The following ZFYVE19 variants were observed in gnomAD, a reference collection of about 807,000 sequenced individuals.
The protein encoded by ZFYVE19 is zinc finger FYVE-type containing 19, also known as abscission/NoCut checkpoint regulator.
A neutral mutation model predicts 62.8 loss-of-function variants in ZFYVE19; 49 were observed. That is an observed-to-expected ratio of 0.78 (90% confidence interval 0.62 to 0.99). The LOEUF is 0.99. ZFYVE19 is among the 50% of genes least tolerant of loss of function. The probability of loss-of-function intolerance (pLI) is 0.00; values close to 1 mark genes in which losing one functional copy is unlikely to be tolerated. For synonymous variants in ZFYVE19, 242 were observed against 234.3 expected, an observed-to-expected ratio of 1.03 and a Z score of -0.30; for missense variants, 630 against 601.9, an observed-to-expected ratio of 1.05 and a Z score of -0.49.
At chr15:40,813,443 C>A (rs1174038100) in intron 8 of ZFYVE19, 26 bp downstream of exon 8, 2 of 1,576,770 alleles carry the variant, frequency 1.3e-6, no homozygotes, top group South Asian at 2.3e-5. Context: ...CCACCTGCCA[C>A]CCCTTGTCCC....
intron 5 of ZFYVE19, 66 bp from the exon 6 acceptor site, chr15:40,810,583 C>G (rs1243850543): frequency 6.5e-7 from 1 of 1,541,662 alleles, no homozygotes; most frequent in Non-Finnish European, 8.8e-7. Flanking sequence ...TACTTAGCAT[C>G]CATCCCTGAC....
chr15:40,807,545 T>C lies in ZFYVE19; in HGVS notation c.-45T>C. ...GCGCCTAGCCCTCTGGGAATTGTGT[T>C]CTGGGTCAGGCTTGACTGACTCTGA... On this transcript the variant is annotated 5_prime_UTR_variant, in exon 1 of 11. Coordinates refer to ENST00000355341, the MANE Select transcript of ZFYVE19 (RefSeq NM_001077268.2). 1.2e-6 allele frequency: 2 copies of C among 1,604,950 alleles called. No homozygotes were observed. Among genetic ancestry groups the C allele is most frequent in the Non-Finnish European group, 1.7e-6 (2 of 1,174,240 alleles).
In ZFYVE19 at chr15:40,814,174, A is replaced by C. The variant is rs765904116; in HGVS notation, c.1364A>C (p.Lys455Thr). The C allele has an allele frequency of 6.2e-7, 1 of 1,614,156 alleles. No individual in the cohort carries two copies. Among genetic ancestry groups the C allele is most frequent in the Admixed American group, 1.7e-5 (1 of 60,016 alleles). The change falls in exon 11 of 11, where the codon AAA becomes ACA. Residue 455 changes from lysine (K) to threonine (T), a missense_variant. By Grantham distance (78) the Lys-to-Thr change is moderately conservative. Transcript: ENST00000355341. ...GAGGGCCATGATGCCTTTGAGCTTA[A>C]AGAGCACCAGACATCTGCCTACTCT... ...FREGHDAFELKEHQTSAYSPP... is the reference protein window; with the variant it reads ...FREGHDAFELTEHQTSAYSPP...
chr15:40,807,464 T>G lies in ZFYVE19; in HGVS notation c.-126T>G, dbSNP rs193102973. 8.2e-5 allele frequency: 132 copies of G among 1,614,144 alleles called. 2 individuals carry two copies. In the Admixed American group the frequency reaches 1.6e-3, roughly 20 times the overall value. On this transcript the variant is annotated 5_prime_UTR_variant, in exon 1 of 11. Transcript: ENST00000355341. Reference sequence around the variant, plus strand: ...ACTGCCATGGTTCCGGCCTGACGGATTCGTACTACAACTCCCAAGAGTCTA... The same window carrying G: ...ACTGCCATGGTTCCGGCCTGACGGAGTCGTACTACAACTCCCAAGAGTCTA...
At chr15:40,813,439 G>T in intron 8 of ZFYVE19, 22 bp downstream of exon 8, 8 of 1,581,738 alleles carry the variant, frequency 5.1e-6, no homozygotes, top group Non-Finnish European at 6.0e-6. Flanking sequence ...TTACCCACCT[G>T]CCACCCCTTG....
Position 40,807,552 on chromosome 15 carries a change from C to G in ZFYVE19, c.-38C>G. ...GCCCTCTGGGAATTGTGTTCTGGGT[C>G]AGGCTTGACTGACTCTGAGGGAGGC... is the stretch of plus-strand genomic sequence containing the variant. On this transcript the variant is annotated 5_prime_UTR_variant, in exon 1 of 11. Transcript: ENST00000355341. 1 of 1,605,402 alleles carries G rather than the reference C, an allele frequency of 6.2e-7. No homozygotes were observed. The highest frequency in any genetic ancestry group is 2.2e-5 in the East Asian group (1 of 44,804).
intron 6 of ZFYVE19, 108 bp from the exon 7 acceptor site, chr15:40,812,589 GAA>G (rs1555385539): frequency 0.059 from 16,624 of 280,742 alleles, 989 homozygotes; most frequent in Middle Eastern, 0.085. Context: ...AAGAAAGAAA[GAA>G]AAAATTATTA....
Position 40,810,134 on chromosome 15 carries a change from G to T in ZFYVE19, c.635G>T (p.Gly212Val), listed in dbSNP as rs1364947122. ...GCTGCCCTAAAGGATGAACGTCAGG[G>T]TTCCATCCCTTCCACCCAGGAAATG... is the stretch of plus-strand genomic sequence containing the variant. ...RLAALKDERQ[G>V]SIPSTQEMEA... Residue 212 changes from glycine to valine, a missense_variant, in exon 5 of 11, where the codon GGT becomes GTT. Physicochemically the swap from Gly to Val is moderately radical, Grantham distance 109. Coordinates refer to ENST00000355341, the MANE Select transcript of ZFYVE19 (RefSeq NM_001077268.2). 6.2e-7 allele frequency: 1 copy of T among 1,614,116 alleles called. No homozygotes were observed. The highest frequency in any genetic ancestry group is 8.5e-7 in the Non-Finnish European group (1 of 1,180,040).
chr15:40,810,131 A>G lies in ZFYVE19; in HGVS notation c.632A>G (p.Gln211Arg). Reference sequence around the variant, plus strand: ...CTGGCTGCCCTAAAGGATGAACGTCAGGGTTCCATCCCTTCCACCCAGGAA... The same window carrying G: ...CTGGCTGCCCTAAAGGATGAACGTCGGGGTTCCATCCCTTCCACCCAGGAA... Reference protein sequence around the residue: ...ARLAALKDERQGSIPSTQEME... With the variant: ...ARLAALKDERRGSIPSTQEME... Residue 211 changes from glutamine to arginine, a missense_variant, in exon 5 of 11, where the codon CAG becomes CGG. Physicochemically the swap from Gln to Arg is conservative, Grantham distance 43 (BLOSUM62 1). Coordinates refer to ENST00000355341, the MANE Select transcript of ZFYVE19 (RefSeq NM_001077268.2). 1 of 1,614,204 alleles carries G rather than the reference A, an allele frequency of 6.2e-7. No individual in the cohort carries two copies. Among genetic ancestry groups the G allele is most frequent in the Non-Finnish European group, 8.5e-7 (1 of 1,180,048 alleles).
chr15:40,813,932 G>A lies in ZFYVE19; in HGVS notation c.1210-11G>A, dbSNP rs74011886. ...TACCTTACTTCCTCCATTCCTCTCT[G>A]ATCCCTGAAGGCCCAGGATGTGGAC... On this transcript the variant is annotated splice_polypyrimidine_tract_variant and intron_variant, in intron 9 of 10. Transcript: ENST00000355341. 6,664 of 1,600,710 alleles carry A rather than the reference G, an allele frequency of 4.2e-3. 241 individuals are homozygous for A. The African/African-American group carries it at 0.08, about 19-fold the overall frequency.
At chr15:40,810,608 G>T (rs760518076) in intron 5 of ZFYVE19, 41 bp from the exon 6 acceptor site, 1 of 1,550,808 alleles carries the variant, frequency 6.4e-7, no homozygotes. Flanking sequence ...ACTGCTTCTG[G>T]GCTACCCCTG....
In ZFYVE19 at chr15:40,807,908, AGAG is replaced by A. The variant is rs1596110884; in HGVS notation, c.279+45_279+47del. On this transcript the variant is annotated intron_variant, in intron 1 of 10. Coordinates refer to ENST00000355341, the MANE Select transcript of ZFYVE19 (RefSeq NM_001077268.2). The stretch of plus-strand genomic sequence containing the variant: ...CCCGAGGGCTGCAGGGCCAGGGAGG[AGAG>A]GAGGGAAAAGCGCGGGACTTAACGT... The A allele has an allele frequency of 1.9e-6, 3 of 1,552,666 alleles. No individual in the cohort carries two copies. The East Asian group carries it at 6.7e-5, about 35-fold the overall frequency.
In ZFYVE19 at chr15:40,810,243, C is replaced by T. The variant is rs201382149; in HGVS notation, c.717+27C>T. On this transcript the variant is annotated intron_variant, in intron 5 of 10. Coordinates refer to ENST00000355341, the MANE Select transcript of ZFYVE19 (RefSeq NM_001077268.2). ...TGAGTGTTATGGCTTAGGAGAGAAG[C>T]GGGGGTGCTAGCGGGAGGACCCAGC... is the stretch of plus-strand genomic sequence containing the variant. The T allele has an allele frequency of 8.3e-4, 1,338 of 1,612,082 alleles. 18 individuals carry two copies. The South Asian group carries it at 0.013, about 16-fold the overall frequency.
At chr15:40,809,036 T>C (rs1166898843) in intron 1 of ZFYVE19, 83 bp from the exon 2 acceptor site, 1 of 1,570,998 alleles carries the variant, frequency 6.4e-7, no homozygotes, top group African/African-American at 1.3e-5. Context: ...CAGTGACTTC[T>C]CTCTGTGTGT....
In ZFYVE19 at chr15:40,814,495, C is replaced by A; in HGVS notation, c.*269C>A. Reference sequence around the variant, plus strand: ...ACCAGACTGAATCTACGGGTGAGCCCTGTAACCTGGCTCTAGGGCACAGGC... The same window carrying A: ...ACCAGACTGAATCTACGGGTGAGCCATGTAACCTGGCTCTAGGGCACAGGC... On this transcript the variant is annotated 3_prime_UTR_variant, in exon 11 of 11. Transcript: ENST00000355341. 1.9e-6 allele frequency: 1 copy of A among 521,368 alleles called. No individual in the cohort carries two copies. Among genetic ancestry groups the A allele is most frequent in the South Asian group, 2.1e-5 (1 of 48,292 alleles). 32.3% of individuals were successfully genotyped at this position (521,368 alleles called of 1,614,324 possible).
chr15:40,807,134 G>C lies in ZFYVE19; in HGVS notation c.-456G>C. On this transcript the variant is annotated 5_prime_UTR_variant, in exon 1 of 11. Coordinates refer to ENST00000355341, the MANE Select transcript of ZFYVE19 (RefSeq NM_001077268.2). ...GCGGCCTCTAGGAGACAGGGGCCAC[G>C]GGGAGAGCACAGCCACCCGGCGCGA... 2.9e-6 allele frequency: 3 copies of C among 1,043,342 alleles called. No homozygotes were observed. The highest frequency in any genetic ancestry group is 3.3e-5 in the South Asian group (2 of 59,832). 64.6% of individuals were successfully genotyped at this position (1,043,342 alleles called of 1,614,324 possible).
Position 40,810,547 on chromosome 15 carries a change from C to T in ZFYVE19, c.718-102C>T, listed in dbSNP as rs76617267. 6 of 1,495,784 alleles carry T rather than the reference C, an allele frequency of 4.0e-6. No homozygotes were observed. In the Admixed American group the frequency reaches 1.3e-4, roughly 33 times the overall value. The allele number at this position is 1,495,784 out of a possible 1,614,324, so 92.7% of individuals were successfully genotyped here. A position where few individuals can be genotyped will look rare whatever the true frequency, so the allele number is the denominator to read the frequency against. On this transcript the variant is annotated intron_variant, in intron 5 of 10. Coordinates refer to ENST00000355341, the MANE Select transcript of ZFYVE19 (RefSeq NM_001077268.2). The stretch of plus-strand genomic sequence containing the variant: ...ACTTGATTATGTGGGCCCTGGATCC[C>T]TCTCCTTTCCCTGGGCTTTGAGAAC...
chr15:40,809,527 G>C (rs2141975585), intron 3 of ZFYVE19, 69 bp downstream of exon 3: 1 of 1,553,988 alleles, frequency 6.4e-7, no homozygotes, highest in Non-Finnish European at 8.8e-7. Flanking sequence ...GAAAGACCCT[G>C]CCCCCATCTT....
chr15:40,810,014 GC>G, intron 4 of ZFYVE19, 44 bp downstream of exon 4: 1 of 1,614,038 alleles, frequency 6.2e-7, no homozygotes, highest in South Asian at 1.1e-5. Context: ...ACAGTCCAGG[GC>G]TTCTGGGACT....
Sources: allele counts gnomAD v4.1 joint callset, GRCh38; gene constraint gnomAD v4.1.1; transcripts MANE v1.5; gene names NCBI Gene and HGNC (gene_info 2026-07-23, HGNC 2026-07-21).